The following CROCC2 variants were observed in gnomAD, a reference collection of about 807,000 sequenced individuals.
CROCC2 encodes ciliary rootlet coiled-coil protein 2.
Under a neutral mutation model 177.6 loss-of-function variants are expected in CROCC2, and 163 were observed. The observed-to-expected ratio is 0.92, with a 90% CI of 0.81 to 1.05. The LOEUF (loss-of-function observed/expected upper bound fraction) is 1.05. Among genes scored for constraint, CROCC2 ranks in the 50% least tolerant of loss-of-function variants. CROCC2 has a pLI of 0.00. For synonymous variants in CROCC2, 904 were observed against 787.3 expected (o/e 1.15, Z -2.48); for missense variants, 1,929 against 1,797.8 (o/e 1.07, Z -1.32).
At chr2:240,954,634 T>C (rs1173639604) in intron 18 of CROCC2, 1 of 152,246 alleles carries the variant, frequency 6.6e-6, no homozygotes, top group African/African-American at 2.4e-5. Flanking sequence ...GTCCAGAGTT[T>C]TATTGGGGTT....
At position 240,935,584 on chromosome 2, in the gene CROCC2, G is replaced by A; in HGVS notation, c.2165G>A (p.Gly722Asp). The A allele has an allele frequency of 1.5e-6, 2 of 1,374,332 alleles. No homozygotes were observed. The highest frequency in any genetic ancestry group is 9.4e-7 in the Non-Finnish European group (1 of 1,064,842). The allele number at this position is 1,374,332 out of a possible 1,614,324, so 85.1% of individuals were successfully genotyped here. A position where few individuals can be genotyped will look rare whatever the true frequency, so the allele number is the denominator to read the frequency against. ...AAGGCCCAGCTCCAGGAGCAGGTGG[G>A]CCAGGTGAGGACGTCTGCAGGGCAT... ...REKAQLQEQV[G>D]QVTCQKQALE... The change falls in exon 14 of 32, where the codon GGC becomes GAC. Residue 722 changes from glycine to aspartate, a missense_variant. Around this residue, in one of 3 missense-constraint regions of CROCC2, gnomAD observed 1,397 missense variants for 1,239.9 expected, o/e 1.13. Coordinates refer to ENST00000690015, the MANE Select transcript of CROCC2 (RefSeq NM_001351305.2).
chr2:240,988,987 C>A, intron 29 of CROCC2, 117 bp downstream of exon 29: 1 of 1,108,362 alleles, frequency 9.0e-7, no homozygotes, highest in Non-Finnish European at 1.2e-6. Context: ...CACACGTGCA[C>A]ACATGGGGAG....
intron 27 of CROCC2, among the ~76,000 whole-genome samples, chr2:240,968,629 ATGGGGCGGCCCTGGCCCAGCCT>A (rs1228054544): frequency 4.6e-5 from 7 of 152,246 alleles, no homozygotes; most frequent in Admixed American, 4.6e-4. Context: ...AGCGGCAGGC[ATGGGGCGGCCCTGGCCCAGCCT>A]TGGGGCTCTT....
At chr2:240,951,124 C>A (rs894708318) in intron 18 of CROCC2, among the ~76,000 whole-genome samples, 1 of 152,002 alleles carries the variant, frequency 6.6e-6, no homozygotes, top group African/African-American at 2.4e-5. Context: ...TCCATCCTCC[C>A]ATCCACCTGT....
In CROCC2 at chr2:240,953,238, C is replaced by T. The variant is rs892590899; in HGVS notation, c.2830-2621C>T. Reference sequence around the variant, plus strand: ...CAGTGTGGCCAACATGGTGAAACCCCGTCTCTACTAAAAAAAAAATACAAA... The same window carrying T: ...CAGTGTGGCCAACATGGTGAAACCCTGTCTCTACTAAAAAAAAAATACAAA... On this transcript the variant is annotated intron_variant, in intron 18 of 31. Coordinates refer to ENST00000690015, the MANE Select transcript of CROCC2 (RefSeq NM_001351305.2). This position sits in a 1 kb window ranked among gnomAD's most constrained non-coding sequence, Gnocchi z 4.0. 3.5e-5 allele frequency among the ~76,000 whole-genome samples: 5 copies of T among 142,734 alleles called. No homozygotes were observed. Among genetic ancestry groups the T allele is most frequent in the East Asian group, 2.0e-4 (1 of 5,066 alleles). 93.6% of individuals were successfully genotyped at this position (142,734 alleles called of 152,430 possible). A position where few individuals can be genotyped will look rare whatever the true frequency, so the allele number is the denominator to read the frequency against.
chr2:240,975,662 C>T (rs2059755642), intron 27 of CROCC2, among the ~76,000 whole-genome samples: 1 of 151,510 alleles, frequency 6.6e-6, no homozygotes, highest in Admixed American at 6.6e-5. Context: ...CATGCAAGCC[C>T]TTCATTTGTA....
chr2:240,958,975 G>C lies in CROCC2; in HGVS notation c.2944-326G>C, dbSNP rs920813691. ...AGCTGAGCTCAGTCCCAAATGGAGG[G>C]TAGAGCTGCCCAGTGTGTGGTGGTC... On this transcript the variant is annotated intron_variant, in intron 19 of 31. Transcript: ENST00000690015. This position sits in a 1 kb window ranked among gnomAD's most constrained non-coding sequence, Gnocchi z 6.7. The C allele has an allele frequency of 1.3e-5, 3 of 235,186 alleles. No individual in the cohort carries two copies. Among genetic ancestry groups the C allele is most frequent in the African/African-American group, 2.3e-5 (1 of 43,972 alleles). 14.6% of individuals were successfully genotyped at this position (235,186 alleles called of 1,614,324 possible).
chr2:240,934,695 G>A (rs369374860), intron 12 of CROCC2, among the ~76,000 whole-genome samples: 7 of 152,206 alleles, frequency 4.6e-5, no homozygotes, highest in African/African-American at 1.7e-4. Flanking sequence ...CTTCTTTGTG[G>A]CCTCTCCCTG....
chr2:240,991,321 G>T (rs2106496312), intron 31 of CROCC2, 43 bp downstream of exon 31: 2 of 1,508,304 alleles, frequency 1.3e-6, no homozygotes, highest in East Asian at 5.0e-5. Context: ...GCTGCCTTCA[G>T]CCCTGACTGG....
chr2:240,992,071 C>A (rs541015773), intron 31 of CROCC2, among the ~76,000 whole-genome samples: 1 of 152,224 alleles, frequency 6.6e-6, no homozygotes, highest in Non-Finnish European at 1.5e-5. Context: ...ATGCTGGGAA[C>A]GGTCCTGTGG....
intron 22 of CROCC2, among the ~76,000 whole-genome samples, chr2:240,965,086 A>G (rs567188735): frequency 1.6e-4 from 25 of 152,180 alleles, no homozygotes; most frequent in African/African-American, 5.5e-4. Flanking sequence ...GTTGGGTCCA[A>G]TGCACCCCAG....
chr2:240,913,357 C>A (rs1230541411), intron 1 of CROCC2, among the ~76,000 whole-genome samples: 1 of 152,158 alleles, frequency 6.6e-6, no homozygotes, highest in Non-Finnish European at 1.5e-5. Flanking sequence ...AGGAAGCCTG[C>A]GTGGGCGCCA....
intron 17 of CROCC2, among the ~76,000 whole-genome samples, chr2:240,950,126 T>C (rs2059544773): frequency 6.6e-6 from 1 of 152,104 alleles, no homozygotes; most frequent in Non-Finnish European, 1.5e-5. Context: ...TAGATGAATA[T>C]GGGATGACAG....
chr2:240,938,204 A>G (rs1341265337), intron 14 of CROCC2, among the ~76,000 whole-genome samples: 2 of 152,242 alleles, frequency 1.3e-5, no homozygotes, highest in Non-Finnish European at 2.9e-5. Context: ...CTGGATTTTA[A>G]TTAGCCCTCC....
At chr2:240,933,012 T>C (rs2059444416) in intron 9 of CROCC2, 104 bp downstream of exon 9, 1 of 1,509,506 alleles carries the variant, frequency 6.6e-7, no homozygotes, top group Admixed American at 2.0e-5. Context: ...GCCCCATGGC[T>C]CCAGGGAGGG....
At chr2:240,971,350 T>C (rs1318798870) in intron 27 of CROCC2, among the ~76,000 whole-genome samples, 18 of 152,160 alleles carry the variant, frequency 1.2e-4, no homozygotes, top group Admixed American at 1.2e-3. Flanking sequence ...GCCACGTGGG[T>C]CCGAGCAACA....
intron 1 of CROCC2, among the ~76,000 whole-genome samples, chr2:240,914,011 G>A (rs2059303382): frequency 2.0e-5 from 3 of 152,268 alleles, no homozygotes; most frequent in South Asian, 2.1e-4. Flanking sequence ...TGGAGGGCCC[G>A]GGAGAGAAAG....
intron 1 of CROCC2, among the ~76,000 whole-genome samples, chr2:240,913,952 T>C (rs1462548356): frequency 1.3e-5 from 2 of 152,244 alleles, no homozygotes; most frequent in Non-Finnish European, 2.9e-5. Context: ...AAGCTGTGCC[T>C]GCTCCTGGCA....
chr2:240,935,480 G>T lies in CROCC2; in HGVS notation c.2061G>T (p.Arg687Ser). 6 of 1,357,542 alleles carry T rather than the reference G, an allele frequency of 4.4e-6. No homozygotes were observed. The South Asian group carries it at 9.3e-5, about 21-fold the overall frequency. 84.1% of individuals were successfully genotyped at this position (1,357,542 alleles called of 1,614,324 possible). A position where few individuals can be genotyped will look rare whatever the true frequency, so the allele number is the denominator to read the frequency against. ...QQLALERAERRGLQQACGRLE... is the reference protein window; with the variant it reads ...QQLALERAERSGLQQACGRLE... ...TGGCGCTGGAGCGGGCAGAGCGCAG[G>T]GGCCTGCAGCAGGCCTGCGGACGCC... Residue 687 changes from arginine (R) to serine (S), a missense_variant, in exon 14 of 32, where the codon AGG (arginine) becomes AGT (serine). Physicochemically the swap from Arg to Ser is moderately radical, Grantham distance 110. This residue lies in a region of CROCC2 where 1,397 missense variants were observed against 1,239.9 expected (regional missense o/e 1.13). Transcript: ENST00000690015.
Sources: allele counts gnomAD v4.1 joint callset (sites outside exome capture counted in the v4.1 genomes callset), GRCh38; gene constraint gnomAD v4.1.1; regional missense constraint gnomAD v4.1.1; non-coding constraint Gnocchi (gnomAD v3.1); transcripts MANE v1.5; gene names NCBI Gene and HGNC (gene_info 2026-07-23, HGNC 2026-07-21).